Variants in ATM observed in about 807,000 individuals in gnomAD.
ATM encodes serine-protein kinase ATM.
In ATM, 308 loss-of-function variants were observed where a neutral mutation model predicts 387.0. The ratio of observed to expected loss-of-function variants is 0.80; its 90% confidence interval spans 0.73 to 0.87. ATM has a LOEUF of 0.87. Among genes scored for constraint, ATM ranks in the 40% least tolerant of loss-of-function variants. The pLI, the probability that ATM is intolerant of heterozygous loss-of-function variation, is 0.00. For missense variants in ATM, 3,312 were observed against 3,560.9 expected, an observed-to-expected ratio of 0.93 and a Z score of 1.78; for synonymous variants, 1,156 against 1,187.3, an observed-to-expected ratio of 0.97 and a Z score of 0.54.
rs776349773 is a variant in ATM, at chr11:108,244,118, G to C, written c.662G>C (p.Arg221Thr). The change falls in exon 6 of 63, where the codon AGA (arginine) becomes ACA (threonine). Residue 221 changes from arginine (R) to threonine (T), a missense_variant and splice_region_variant. Coordinates refer to ENST00000675843, the MANE Select transcript of ATM (RefSeq NM_000051.4). ...DFFSKAIQCA[R>T]QEKSSSGLNH... is the part of the protein sequence containing the mutation. ...TTTTCCAAGGCTATTCAGTGTGCGAGGTAATCTAATCTCTTTTTCTTTTGT... is the reference window on the plus strand; with the variant it reads ...TTTTCCAAGGCTATTCAGTGTGCGACGTAATCTAATCTCTTTTTCTTTTGT... 1 of 1,613,478 alleles carries C rather than the reference G, an allele frequency of 6.2e-7. No homozygotes were observed. Among genetic ancestry groups the C allele is most frequent in the Admixed American group, 1.7e-5 (1 of 59,974 alleles).
chr11:108,356,930 C>G (rs935045322), intron 61 of ATM, among the ~76,000 whole-genome samples: 2 of 152,086 alleles, frequency 1.3e-5, no homozygotes. Flanking sequence ...ACACACCCTC[C>G]GGGAGGAGGA....
intron 56 of ATM, among the ~76,000 whole-genome samples, chr11:108,336,869 A>G (rs1314241417): frequency 6.6e-6 from 1 of 152,036 alleles, no homozygotes; most frequent in Non-Finnish European, 1.5e-5. Flanking sequence ...TAACCAGTTT[A>G]GAAATAACAA....
chr11:108,285,361 A>G (rs1183756805), intron 26 of ATM, among the ~76,000 whole-genome samples: 1 of 150,162 alleles, frequency 6.7e-6, no homozygotes, highest in Non-Finnish European at 1.5e-5. Flanking sequence ...ATATATTTTG[A>G]GTATTCATTA....
intron 61 of ATM, chr11:108,355,550 G>A (rs905337301): frequency 6.5e-6 from 1 of 152,916 alleles, no homozygotes; most frequent in Non-Finnish European, 1.5e-5. Flanking sequence ...GAAATCAGGA[G>A]TGTGGCCTCC....
chr11:108,269,706 T>A (rs1223504510), intron 18 of ATM, among the ~76,000 whole-genome samples: 1 of 152,202 alleles, frequency 6.6e-6, no homozygotes, highest in Non-Finnish European at 1.5e-5. Flanking sequence ...TCCAGCAAAT[T>A]GTCACACATG....
chr11:108,311,282 G>GT (rs1384491657), intron 39 of ATM, among the ~76,000 whole-genome samples: 1 of 152,172 alleles, frequency 6.6e-6, no homozygotes, highest in Non-Finnish European at 1.5e-5. Context: ...GTCCCAAATT[G>GT]TTTTTTAAAG....
rs1057523224 is a variant in ATM, at chr11:108,345,790, T to C, written c.8466T>C (p.Asp2822=). 1 of 1,613,618 alleles carries C rather than the reference T, an allele frequency of 6.2e-7. No homozygotes were observed. The highest frequency in any genetic ancestry group is 1.3e-5 in the African/African-American group (1 of 74,890). ...AAGAGAAATATGAAGTCTTCATGGA[T>C]GTTTGCCAAAATTTTCAACCAGTTT... is the stretch of plus-strand genomic sequence containing the variant. The part of the protein sequence containing the change: ...SFEEKYEVFM[D]VCQNFQPVFR... Residue 2822 remains aspartate, a synonymous_variant, in exon 58 of 63, where the codon GAT becomes GAC. Transcript: ENST00000675843.
intron 5 of ATM, among the ~76,000 whole-genome samples, chr11:108,243,592 G>A (rs963909740): frequency 6.6e-6 from 1 of 152,150 alleles, no homozygotes; most frequent in African/African-American, 2.4e-5. Flanking sequence ...CAGCCTGGAC[G>A]ACAGAGCAAG....
At chr11:108,364,057 C>T (rs985284375) in intron 61 of ATM, among the ~76,000 whole-genome samples, 11 of 152,218 alleles carry the variant, frequency 7.2e-5, no homozygotes, top group Non-Finnish European at 1.5e-4. Flanking sequence ...TCAGTTTCTC[C>T]ACAGTATTTA....
chr11:108,327,316 G>A (rs1202383678), intron 47 of ATM: 1 of 289,218 alleles, frequency 3.5e-6, no homozygotes, highest in East Asian at 8.4e-5. Context: ...TGCAAATTGG[G>A]GTAATAATAG....
chr11:108,267,335 T>C lies in ATM; in HGVS notation c.2631T>C (p.Ser877=). 1 of 1,613,928 alleles carries C rather than the reference T, an allele frequency of 6.2e-7. No individual in the cohort carries two copies. The highest frequency in any genetic ancestry group is 8.5e-7 in the Non-Finnish European group (1 of 1,179,808). The part of the protein sequence containing the change: ...SDANEPGESQ[S]TIGAINPLAE... ...CAAACGAACCTGGAGAGAGCCAAAG[T>C]ACCATAGGTAAATACATATTTACTA... The change falls in exon 17 of 63, where the codon AGT becomes AGC. Residue 877 remains serine (S), a synonymous_variant. Transcript: ENST00000675843.
chr11:108,258,920 A>G (rs1349930040), intron 15 of ATM, 66 bp from the exon 16 acceptor site: 5 of 1,317,390 alleles, frequency 3.8e-6, no homozygotes, highest in Admixed American at 3.5e-5. Context: ...TAGAGAAAAC[A>G]CTGTCTGCCA....
chr11:108,233,511 G>A (rs2079121572), intron 4 of ATM, among the ~76,000 whole-genome samples: 1 of 149,786 alleles, frequency 6.7e-6, no homozygotes, highest in South Asian at 2.1e-4. Flanking sequence ...AGTGGTTGCA[G>A]TGAGCCACGA....
At chr11:108,311,619 G>A (rs1231673052) in intron 39 of ATM, among the ~76,000 whole-genome samples, 2 of 152,098 alleles carry the variant, frequency 1.3e-5, no homozygotes, top group East Asian at 3.9e-4. Context: ...GATCGCTTGA[G>A]CCCAGGAGGG....
At chr11:108,307,724 A>G (rs1175582265) in intron 37 of ATM, among the ~76,000 whole-genome samples, 173 bp from the exon 38 acceptor site, 1 of 152,222 alleles carries the variant, frequency 6.6e-6, no homozygotes, top group South Asian at 2.1e-4. Flanking sequence ...TTAAGATAAC[A>G]GTTTCTTTTA....
At chr11:108,335,310 T>A in intron 55 of ATM, 1 of 1,474,334 alleles carries the variant, frequency 6.8e-7, no homozygotes, top group East Asian at 2.6e-5. Flanking sequence ...ACAATCATTA[T>A]TATATGGTTG....
At chr11:108,248,109 T>G (rs2079944948) in intron 8 of ATM, among the ~76,000 whole-genome samples, 2 of 152,190 alleles carry the variant, frequency 1.3e-5, no homozygotes, top group African/African-American at 4.8e-5. Context: ...AAGTTCATGT[T>G]TTACCATGAA....
intron 61 of ATM, among the ~76,000 whole-genome samples, chr11:108,363,120 G>A (rs542281499): frequency 6.6e-6 from 1 of 152,226 alleles, no homozygotes; most frequent in Admixed American, 6.5e-5. Context: ...AATTTTCCCA[G>A]TGATCTTACC....
In ATM at chr11:108,227,675, T is replaced by C. The variant is rs1591446045; in HGVS notation, c.51T>C (p.His17=). 2 of 1,613,854 alleles carry C rather than the reference T, an allele frequency of 1.2e-6. No individual in the cohort carries two copies. The highest frequency in any genetic ancestry group is 1.7e-6 in the Non-Finnish European group (2 of 1,179,868). Residue 17 remains histidine (H), a synonymous_variant, in exon 2 of 63, where the codon CAT becomes CAC. Transcript: ENST00000675843. The part of the protein sequence containing the change: ...DLLICCRQLE[H]DRATERKKEV... ...TTATCTGCTGCCGTCAACTAGAACA[T>C]GATAGAGCTACAGAACGAAAGGTAG...
Sources: allele counts gnomAD v4.1 joint callset (sites outside exome capture counted in the v4.1 genomes callset), GRCh38; gene constraint gnomAD v4.1.1; transcripts MANE v1.5; gene names NCBI Gene and HGNC (gene_info 2026-07-23, HGNC 2026-07-21).